SRPK2: variants seen among roughly 807,000 people sequenced by gnomAD.
SRPK2 encodes the protein SFRS protein kinase 2.
In SRPK2, 21 loss-of-function variants were observed where a neutral mutation model predicts 90.8. The ratio of observed to expected loss-of-function variants is 0.23; its 90% confidence interval spans 0.16 to 0.33. The LOEUF (loss-of-function observed/expected upper bound fraction) is 0.33. Among genes scored for constraint, SRPK2 ranks in the 10% least tolerant of loss-of-function variants. The probability of loss-of-function intolerance (pLI) is 1.00; values close to 1 mark genes in which losing one functional copy is unlikely to be tolerated. For synonymous variants in SRPK2, 288 were observed against 311.1 expected, an observed-to-expected ratio of 0.93 and a Z score of 0.78; for missense variants, 620 against 869.0, an observed-to-expected ratio of 0.71 and a Z score of 3.60.
upstream of SRPK2, among the ~76,000 whole-genome samples, chr7:105,391,338 T>C (rs1286317621): frequency 1.3e-5 from 2 of 152,120 alleles, no homozygotes; most frequent in East Asian, 3.8e-4. Context: ...TCCGAGTAGC[T>C]GGGATTACAG....
chr7:105,206,864 T>C (rs1031037412), intron 2 of SRPK2, among the ~76,000 whole-genome samples: 6 of 152,252 alleles, frequency 3.9e-5, no homozygotes, highest in African/African-American at 1.4e-4. Context: ...AGATCCAACC[T>C]GTACTGAGGG....
chr7:105,306,781 TTAAAAG>T (rs1811194925), intron 2 of SRPK2: 1 of 201,914 alleles, frequency 5.0e-6, no homozygotes, highest in South Asian at 7.4e-5. Context: ...TTTCTCAGAA[TTAAAAG>T]TAAAACACTA....
chr7:105,262,824 G>A (rs773789445), intron 2 of SRPK2, among the ~76,000 whole-genome samples: 2 of 152,058 alleles, frequency 1.3e-5, no homozygotes, highest in African/African-American at 2.4e-5. Flanking sequence ...AAAAAGGAAG[G>A]GAGAAATGGA....
chr7:105,281,135 C>T (rs898538073), intron 2 of SRPK2, among the ~76,000 whole-genome samples: 10 of 151,350 alleles, frequency 6.6e-5, no homozygotes, highest in Admixed American at 2.6e-4. Flanking sequence ...CTCTCTAGGT[C>T]GCCCAGGCTG....
At chr7:105,273,140 G>A (rs867888767) in intron 2 of SRPK2, among the ~76,000 whole-genome samples, 3 of 151,862 alleles carry the variant, frequency 2.0e-5, no homozygotes, top group South Asian at 4.2e-4. Context: ...GCATGAACCC[G>A]GGAGGCGGAG....
chr7:105,241,120 T>C (rs990944595), intron 2 of SRPK2, among the ~76,000 whole-genome samples: 1 of 152,194 alleles, frequency 6.6e-6, no homozygotes, highest in Non-Finnish European at 1.5e-5. Flanking sequence ...ACTTTTTAAA[T>C]GTTGTTTCTA....
At chr7:105,265,287 A>T (rs1804890744) in intron 2 of SRPK2, among the ~76,000 whole-genome samples, 1 of 152,186 alleles carries the variant, frequency 6.6e-6, no homozygotes, top group Admixed American at 6.5e-5. Context: ...AAATTTTTAA[A>T]CTATAATATA....
chr7:105,385,642 C>T lies in SRPK2; in HGVS notation c.71+3006G>A, dbSNP rs138551019. 1.9e-3 allele frequency among the ~76,000 whole-genome samples: 285 copies of T among 152,300 alleles called. 1 individual carries two copies. Among genetic ancestry groups the T allele is most frequent in the African/African-American group, 6.6e-3 (275 of 41,562 alleles). On this transcript the variant is annotated intron_variant, in intron 2 of 15. Transcript: ENST00000393651. Reference sequence around the variant, plus strand: ...CTCGAATACTTCCAGCCCATTCCTCCCCAGGGCCTCTGCCACACTGGATCT... The same window carrying T: ...CTCGAATACTTCCAGCCCATTCCTCTCCAGGGCCTCTGCCACACTGGATCT...
intron 2 of SRPK2, among the ~76,000 whole-genome samples, chr7:105,226,148 TA>T (rs1382588788): frequency 6.6e-6 from 1 of 152,216 alleles, no homozygotes; most frequent in African/African-American, 2.4e-5. Context: ...ATATTAGATC[TA>T]TTTTTTCAAT....
intron 2 of SRPK2, among the ~76,000 whole-genome samples, chr7:105,315,422 A>AT (rs1372215862): frequency 3.3e-5 from 5 of 152,210 alleles, no homozygotes; most frequent in Admixed American, 6.5e-5. Context: ...GCTGAACTAG[A>AT]TAAGTGGTTT....
At chr7:105,156,552 G>A (rs797019068) in intron 7 of SRPK2, among the ~76,000 whole-genome samples, 4 of 152,278 alleles carry the variant, frequency 2.6e-5, no homozygotes, top group African/African-American at 9.6e-5. Flanking sequence ...ACAGGCTAGA[G>A]TGCAGTGGCA....
chr7:105,347,727 C>G (rs1236074551), intron 2 of SRPK2, among the ~76,000 whole-genome samples: 1 of 151,736 alleles, frequency 6.6e-6, no homozygotes, highest in African/African-American at 2.4e-5. Context: ...CATGGTGGCA[C>G]AAACTTGTGG....
At chr7:105,365,212 C>T (rs1402728020) in intron 2 of SRPK2, among the ~76,000 whole-genome samples, 1 of 152,104 alleles carries the variant, frequency 6.6e-6, no homozygotes, top group African/African-American at 2.4e-5. Context: ...GGGCCAGGCA[C>T]AGTGGCTCAC....
intron 1 of SRPK2, among the ~76,000 whole-genome samples, chr7:105,396,866 A>G (rs1261629688): frequency 7.0e-6 from 1 of 142,140 alleles, no homozygotes; most frequent in East Asian, 2.0e-4. Context: ...GGAAGGGAGG[A>G]AGGAAGGAAG....
At chr7:105,274,152 T>C (rs1310829916) in intron 2 of SRPK2, among the ~76,000 whole-genome samples, 3 of 152,184 alleles carry the variant, frequency 2.0e-5, no homozygotes, top group African/African-American at 4.8e-5. Flanking sequence ...ACACAGAAAC[T>C]GACCTTTCTG....
intron 1 of SRPK2, among the ~76,000 whole-genome samples, chr7:105,397,167 A>G (rs1822354826): frequency 6.6e-6 from 1 of 150,750 alleles, no homozygotes; most frequent in Non-Finnish European, 1.5e-5. Flanking sequence ...ACAGGTGCAC[A>G]CCAGCACACC....
chr7:105,261,832 C>T (rs147415817), intron 2 of SRPK2, among the ~76,000 whole-genome samples: 220 of 152,264 alleles, frequency 1.4e-3, no homozygotes, highest in African/African-American at 5.0e-3. Flanking sequence ...GCAGCTGTGA[C>T]AAATGCTACA....
chr7:105,371,718 CA>C (rs1401244819), intron 2 of SRPK2, among the ~76,000 whole-genome samples: 4 of 151,486 alleles, frequency 2.6e-5, no homozygotes, highest in Non-Finnish European at 5.9e-5. Context: ...GACCCTGTCT[CA>C]AAAAAAGAAA....
chr7:105,329,208 A>T (rs1052048440), intron 2 of SRPK2, among the ~76,000 whole-genome samples: 2 of 152,054 alleles, frequency 1.3e-5, no homozygotes, highest in African/African-American at 4.8e-5. Context: ...TTAGTCATCT[A>T]ATTTATTCTC....
Sources: gnomAD v4.1 joint callset for allele counts (sites outside exome capture counted in the v4.1 genomes callset) on GRCh38, gnomAD v4.1.1 for gene constraint, MANE v1.5 for transcripts, NCBI Gene and HGNC (gene_info 2026-07-23, HGNC 2026-07-21) for gene names.